NUP93: variants seen among roughly 807,000 people sequenced by gnomAD.
NUP93 encodes nucleoporin 93, also known as nuclear pore complex protein Nup93.
Under a neutral mutation model 107.8 loss-of-function variants are expected in NUP93, and 55 were observed. The observed-to-expected ratio is 0.51, with a 90% CI of 0.41 to 0.64. The LOEUF (loss-of-function observed/expected upper bound fraction) is 0.64. Among genes scored for constraint, NUP93 ranks in the 30% least tolerant of loss-of-function variants. The probability of loss-of-function intolerance (pLI) is 0.00; values close to 1 mark genes in which losing one functional copy is unlikely to be tolerated. For missense variants in NUP93, 937 were observed against 1,044.7 expected (o/e 0.90, Z 1.42); for synonymous variants, 390 against 397.5 (o/e 0.98, Z 0.22).
chr16:56,847,068 G>A lies in NUP93; in HGVS notation c.*2459G>A, dbSNP rs1337745433. The A allele has an allele frequency of 6.6e-6, 1 of 152,256 alleles. No individual in the cohort carries two copies. The highest frequency in any genetic ancestry group is 2.4e-5 in the African/African-American group (1 of 41,450). The allele number at this position is 152,256 out of a possible 1,614,324, so 9.4% of individuals were successfully genotyped here. A position where few individuals can be genotyped will look rare whatever the true frequency, so the allele number is the denominator to read the frequency against. On this transcript the variant is annotated 3_prime_UTR_variant, in exon 22 of 22. Coordinates refer to ENST00000308159, the MANE Select transcript of NUP93 (RefSeq NM_014669.5). The stretch of plus-strand genomic sequence containing the variant: ...GGGAGCTGTGAGTTGGGAGAAAAGT[G>A]GTCACTGGTTGGCAGTTAAGGACTT...
At chr16:56,817,316 A>T (rs1451858477) in intron 5 of NUP93, among the ~76,000 whole-genome samples, 2 of 152,064 alleles carry the variant, frequency 1.3e-5, no homozygotes, top group Non-Finnish European at 2.9e-5. Flanking sequence ...GGGGCTTCAG[A>T]CTGCCTTTCT....
intron 5 of NUP93, among the ~76,000 whole-genome samples, chr16:56,815,899 GTGC>G (rs61260945): frequency 8.3e-5 from 8 of 95,974 alleles, no homozygotes; most frequent in Admixed American, 4.3e-4. Context: ...GCTGCTGCTG[GTGC>G]TGCTGCTGCT....
At chr16:56,735,421 A>C (rs1345616666) in intron 1 of NUP93, among the ~76,000 whole-genome samples, 2 of 152,234 alleles carry the variant, frequency 1.3e-5, no homozygotes, top group Non-Finnish European at 2.9e-5. Flanking sequence ...TCAGGGACCA[A>C]GTAAATCAAG....
intron 3 of NUP93, among the ~76,000 whole-genome samples, chr16:56,783,142 A>G (rs1962549901): frequency 6.6e-6 from 1 of 152,234 alleles, no homozygotes; most frequent in Non-Finnish European, 1.5e-5. Context: ...AAAAGCAACA[A>G]CAAAATATGA....
chr16:56,820,282 A>C (rs1963516544), intron 6 of NUP93, among the ~76,000 whole-genome samples: 1 of 152,228 alleles, frequency 6.6e-6, no homozygotes, highest in African/African-American at 2.4e-5. Flanking sequence ...AATAAGTACT[A>C]CGTCATGGTT....
At chr16:56,742,920 A>G (rs185700026) in intron 1 of NUP93, among the ~76,000 whole-genome samples, 323 of 152,350 alleles carry the variant, frequency 2.1e-3, no homozygotes, top group Non-Finnish European at 4.0e-3. Context: ...TAAAAATAAA[A>G]GAAACCAATG....
chr16:56,782,923 AT>A (rs559667845), intron 3 of NUP93, among the ~76,000 whole-genome samples: 2 of 152,222 alleles, frequency 1.3e-5, no homozygotes, highest in Non-Finnish European at 2.9e-5. Flanking sequence ...AAAAGAGATC[AT>A]AGGAGTCCTT....
At position 56,834,093 on chromosome 16, in the gene NUP93, T is replaced by C. The variant is rs777208568; in HGVS notation, c.1538-35T>C. 25 of 1,612,206 alleles carry C rather than the reference T, an allele frequency of 1.6e-5. No individual in the cohort carries two copies. In the South Asian group the frequency reaches 2.3e-4, roughly 15 times the overall value. On this transcript the variant is annotated intron_variant, in intron 13 of 21. Transcript: ENST00000308159. ...TGGGTTGCATGGGTCAGAGGGGCAG[T>C]GTGGTTGTGACCCATTCTGACCCCC...
At chr16:56,750,722 TGA>T (rs1961903093) in intron 2 of NUP93, among the ~76,000 whole-genome samples, 1 of 152,172 alleles carries the variant, frequency 6.6e-6, no homozygotes, top group South Asian at 2.1e-4. Context: ...TGCTACAGTA[TGA>T]GAGTTGAGTA....
chr16:56,743,772 A>G (rs1325160902), intron 1 of NUP93, among the ~76,000 whole-genome samples: 1 of 152,178 alleles, frequency 6.6e-6, no homozygotes, highest in Admixed American at 6.5e-5. Flanking sequence ...CCACAAGTGT[A>G]ACCAATCCTG....
At position 56,849,893 on chromosome 16, in the gene NUP93, C is replaced by T. The variant is rs761675259; in HGVS notation, c.*5284C>T. ...AGATACGCAGTTTTGAAGAGCTAGGCAGGCAGCTGAGCGGGATAATGTGGG... is the reference window on the plus strand; with the variant it reads ...AGATACGCAGTTTTGAAGAGCTAGGTAGGCAGCTGAGCGGGATAATGTGGG... On this transcript the variant is annotated 3_prime_UTR_variant, in exon 22 of 22. Transcript: ENST00000308159. 6.6e-6 allele frequency: 1 copy of T among 152,192 alleles called. No individual in the cohort carries two copies. Among genetic ancestry groups the T allele is most frequent in the Non-Finnish European group, 1.5e-5 (1 of 68,040 alleles). The allele number at this position is 152,192 out of a possible 1,614,324, so 9.4% of individuals were successfully genotyped here.
intron 5 of NUP93, among the ~76,000 whole-genome samples, chr16:56,813,679 G>A (rs1963361917): frequency 6.6e-6 from 1 of 152,046 alleles, no homozygotes; most frequent in Non-Finnish European, 1.5e-5. Flanking sequence ...TTTCTCCCAG[G>A]GGCTTACATG....
At chr16:56,746,546 T>C (rs1344015386) in intron 1 of NUP93, among the ~76,000 whole-genome samples, 1 of 152,252 alleles carries the variant, frequency 6.6e-6, no homozygotes, top group Non-Finnish European at 1.5e-5. Context: ...CCAAAGTGTC[T>C]TTATGTTTAC....
chr16:56,741,426 CAG>C (rs1345542512), intron 1 of NUP93, among the ~76,000 whole-genome samples: 1 of 152,178 alleles, frequency 6.6e-6, no homozygotes, highest in Admixed American at 6.5e-5. Flanking sequence ...GGTTTTATCT[CAG>C]AGGTAAATCA....
intron 12 of NUP93, 83 bp downstream of exon 12, chr16:56,832,471 A>T (rs140724111): frequency 2.3e-5 from 24 of 1,046,362 alleles, no homozygotes; most frequent in Non-Finnish European, 3.6e-5. Context: ...AAAATTTTTC[A>T]TCTCTGAACT....
intron 3 of NUP93, among the ~76,000 whole-genome samples, chr16:56,773,532 C>G (rs1375536775): frequency 6.6e-6 from 1 of 152,194 alleles, no homozygotes; most frequent in African/African-American, 2.4e-5. Context: ...CCCTGAACAC[C>G]TTTGGCAACC....
At chr16:56,808,477 AATATATAGTTATGTAAC>A (rs1963217461) in intron 5 of NUP93, among the ~76,000 whole-genome samples, 1 of 116,992 alleles carries the variant, frequency 8.5e-6, no homozygotes, top group African/African-American at 3.6e-5. Flanking sequence ...GTAACTATAA[AATATATAGTTATGTAAC>A]TATATAAATA....
intron 3 of NUP93, chr16:56,781,902 G>A: frequency 1.0e-6 from 1 of 985,330 alleles, no homozygotes; most frequent in Non-Finnish European, 1.2e-6. Context: ...AACGAATGGT[G>A]ATGCTGTGCT....
chr16:56,751,775 G>A (rs141346485), intron 2 of NUP93, among the ~76,000 whole-genome samples: 1 of 152,236 alleles, frequency 6.6e-6, no homozygotes, highest in East Asian at 1.9e-4. Context: ...TACTCTCCTG[G>A]AACTGGAAGG....
Sources: gnomAD v4.1 joint callset for allele counts (sites outside exome capture counted in the v4.1 genomes callset) on GRCh38, gnomAD v4.1.1 for gene constraint, MANE v1.5 for transcripts, NCBI Gene and HGNC (gene_info 2026-07-23, HGNC 2026-07-21) for gene names.